GDPD5: variants seen among roughly 807,000 people sequenced by gnomAD.
GDPD5 encodes the protein glycerophosphodiester phosphodiesterase 2.
A neutral mutation model predicts 75.1 loss-of-function variants in GDPD5; 48 were observed. That is an observed-to-expected ratio of 0.64 (90% CI 0.51 to 0.81). GDPD5 has a LOEUF of 0.81. GDPD5 is among the 40% of genes least tolerant of loss of function. The pLI is 0.00. For missense variants in GDPD5, 706 were observed against 822.6 expected, an observed-to-expected ratio of 0.86 and a Z score of 1.73; for synonymous variants, 336 against 339.0, an observed-to-expected ratio of 0.99 and a Z score of 0.10.
In GDPD5 at chr11:75,525,935, C is replaced by G. The variant is rs1462123205; in HGVS notation, c.-870G>C. 4.3e-4 allele frequency: 64 copies of G among 150,344 alleles called. No homozygotes were observed. Among genetic ancestry groups the G allele is most frequent in the African/African-American group, 1.5e-3 (61 of 41,190 alleles). The allele number at this position is 150,344 out of a possible 1,614,324, so 9.3% of individuals were successfully genotyped here. The stretch of plus-strand genomic sequence containing the variant: ...ACCCCCACCGGAGCCGCAGCCCGAG[C>G]TCAGCCGAAACAGCGCCGCCCAGCG... On this transcript the variant is annotated 5_prime_UTR_variant, in exon 1 of 17. Coordinates refer to ENST00000336898, the MANE Select transcript of GDPD5 (RefSeq NM_030792.8).
At chr11:75,449,412 C>A in intron 8 of GDPD5, 105 bp downstream of exon 8, 2 of 1,205,370 alleles carry the variant, frequency 1.7e-6, no homozygotes, top group Non-Finnish European at 2.4e-6. Context: ...AGGGGCCCCA[C>A]CCCATCCCCA....
At position 75,442,424 on chromosome 11, in the gene GDPD5, C is replaced by T. The variant is rs146651187; in HGVS notation, c.1106G>A (p.Arg369His). ...CAGAGTCACGTTGATAAAACTGCTG[C>T]GGTAGGGGTGCTCCCGGGGCGGGTC... ...LRDPPREHPY[R>H]SSFINVTLEA... is the part of the protein sequence containing the mutation. The change falls in exon 12 of 17, where the codon CGC (arginine) becomes CAC (histidine). Residue 369 changes from arginine to histidine, a missense_variant. Coordinates refer to ENST00000336898, the MANE Select transcript of GDPD5 (RefSeq NM_030792.8). 5.6e-5 allele frequency: 90 copies of T among 1,606,800 alleles called. No individual in the cohort carries two copies. In the African/African-American group the frequency reaches 8.3e-4, roughly 15 times the overall value.
At chr11:75,487,030 G>C (rs905455375) in intron 2 of GDPD5, among the ~76,000 whole-genome samples, 2 of 152,148 alleles carry the variant, frequency 1.3e-5, no homozygotes, top group Non-Finnish European at 2.9e-5. Flanking sequence ...ACAAATCTCT[G>C]GCCCCAGGGT....
chr11:75,449,768 C>A, intron 7 of GDPD5, 117 bp downstream of exon 7: 1 of 1,268,716 alleles, frequency 7.9e-7, no homozygotes, highest in South Asian at 1.3e-5. Context: ...CTCCCTAGTT[C>A]TGACCTGCTC....
intron 11 of GDPD5, 163 bp downstream of exon 11, chr11:75,442,973 A>G (rs1592061564): frequency 1.3e-6 from 1 of 750,798 alleles, no homozygotes; most frequent in Non-Finnish European, 2.3e-6. Context: ...TGAGTCTGGC[A>G]GCAGTGGCAG....
intron 1 of GDPD5, among the ~76,000 whole-genome samples, chr11:75,496,480 G>A (rs1950211317): frequency 6.6e-6 from 1 of 152,224 alleles, no homozygotes; most frequent in Non-Finnish European, 1.5e-5. Flanking sequence ...GTCATATGGG[G>A]ACACTGGGAC....
chr11:75,491,040 G>C (rs1261098883), intron 1 of GDPD5, among the ~76,000 whole-genome samples: 1 of 152,188 alleles, frequency 6.6e-6, no homozygotes, highest in Non-Finnish European at 1.5e-5. Flanking sequence ...ACATCACATA[G>C]AGGCAGAGCC....
Position 75,475,365 on chromosome 11 carries a change from C to T in GDPD5, c.117+2254G>A, listed in dbSNP as rs1024447541. ...GAGCCGTCTCCACCACCCCTCAACT[C>T]AGGCAGCTCTCCTCTCCCTACCAGC... On this transcript the variant is annotated intron_variant, in intron 3 of 16. Coordinates refer to ENST00000336898, the MANE Select transcript of GDPD5 (RefSeq NM_030792.8). Among the ~76,000 whole-genome samples, 6 of 152,270 alleles carry T rather than the reference C, an allele frequency of 3.9e-5. No homozygotes were observed. The South Asian group carries it at 6.2e-4, about 16-fold the overall frequency.
intron 14 of GDPD5, 90 bp downstream of exon 14, chr11:75,441,073 A>G (rs1948783718): frequency 1.5e-6 from 2 of 1,323,092 alleles, no homozygotes; most frequent in Non-Finnish European, 2.1e-6. Context: ...TCCCAGGGAC[A>G]GCTCCAAGCA....
intron 3 of GDPD5, among the ~76,000 whole-genome samples, chr11:75,473,935 G>C (rs1381550722): frequency 2.0e-5 from 3 of 152,202 alleles, no homozygotes; most frequent in Non-Finnish European, 4.4e-5. Flanking sequence ...TCCCCCACAA[G>C]CCTGGGGGCC....
At chr11:75,499,781 G>A (rs570886240) in intron 1 of GDPD5, among the ~76,000 whole-genome samples, 85 of 152,242 alleles carry the variant, frequency 5.6e-4, no homozygotes, top group African/African-American at 1.9e-3. Context: ...GGCCATCCAC[G>A]TCCTGACCTT....
In GDPD5 at chr11:75,441,707, G is replaced by T; in HGVS notation, c.1264C>A (p.Arg422=). The T allele has an allele frequency of 6.2e-7, 1 of 1,610,300 alleles. No homozygotes were observed. The change falls in exon 13 of 17, where the codon CGG becomes AGG. Residue 422 remains arginine, a synonymous_variant. Transcript: ENST00000336898. Reference sequence around the variant, plus strand: ...TTCAGCCGCTGGATGTGGCCTCTCCGCAGGCTGGCGACTGCCTCCTTGGAG... The same window carrying T: ...TTCAGCCGCTGGATGTGGCCTCTCCTCAGGCTGGCGACTGCCTCCTTGGAG... ...SGSKEAVASL[R]RGHIQRLNLR... is the part of the protein sequence containing the mutation.
intron 1 of GDPD5, among the ~76,000 whole-genome samples, chr11:75,503,325 T>C (rs559225592): frequency 2.6e-5 from 4 of 152,338 alleles, no homozygotes; most frequent in Non-Finnish European, 4.4e-5. Flanking sequence ...CCAGCCATGA[T>C]TGTTCCTATA....
rs1565204020 is a variant in GDPD5 at position 75,477,760 on chromosome 11, T to C, written c.-25A>G. On this transcript the variant is annotated 5_prime_UTR_variant, in exon 3 of 17. Coordinates refer to ENST00000336898, the MANE Select transcript of GDPD5 (RefSeq NM_030792.8). ...TACTCGTGCCCACGGCCCTGGCGCC[T>C]GGCCCTCAGGCGCCCATGGAGGCCC... 29 of 1,510,714 alleles carry C rather than the reference T, an allele frequency of 1.9e-5. 1 individual carries two copies. The highest frequency in any genetic ancestry group is 2.5e-5 in the Non-Finnish European group (28 of 1,113,842). The allele number at this position is 1,510,714 out of a possible 1,614,324, so 93.6% of individuals were successfully genotyped here.
intron 10 of GDPD5, among the ~76,000 whole-genome samples, 191 bp downstream of exon 10, chr11:75,444,222 C>T (rs1948920449): frequency 6.6e-6 from 1 of 152,130 alleles, no homozygotes; most frequent in Non-Finnish European, 1.5e-5. Context: ...GCACCAAGAG[C>T]ATTTGTTCTT....
intron 6 of GDPD5, chr11:75,452,474 T>G (rs1407835942): frequency 6.6e-6 from 1 of 152,196 alleles, no homozygotes; most frequent in Admixed American, 6.5e-5. Flanking sequence ...GAGCATGATA[T>G]GGGAACAGGA....
At chr11:75,441,387 G>A (rs1321330980) in intron 13 of GDPD5, 77 bp from the exon 14 acceptor site, 50 of 1,561,442 alleles carry the variant, frequency 3.2e-5, no homozygotes, top group African/African-American at 4.1e-5. Flanking sequence ...GGTAAAGCAC[G>A]TCCTGTTCAC....
At chr11:75,482,363 A>G (rs1949936718) in intron 2 of GDPD5, among the ~76,000 whole-genome samples, 1 of 151,388 alleles carries the variant, frequency 6.6e-6, no homozygotes, top group African/African-American at 2.4e-5. Context: ...CATCTTGTCC[A>G]CTCTCACGGC....
chr11:75,485,572 A>G (rs1195319105), intron 2 of GDPD5: 1 of 150,158 alleles, frequency 6.7e-6, no homozygotes, highest in Admixed American at 6.6e-5. Context: ...CGCACCCAAG[A>G]GGTTAGGTAA....
Sources: gnomAD v4.1 joint callset for allele counts (sites outside exome capture counted in the v4.1 genomes callset) on GRCh38, gnomAD v4.1.1 for gene constraint, MANE v1.5 for transcripts, NCBI Gene and HGNC (gene_info 2026-07-23, HGNC 2026-07-21) for gene names.